CLEC1A: variants seen among roughly 807,000 people sequenced by gnomAD.
The protein encoded by CLEC1A is C-type lectin-like receptor-1.
CLEC1A carries 34 observed loss-of-function variants against 28.7 expected under a neutral mutation model. The ratio of observed to expected loss-of-function variants is 1.18; its 90% CI spans 0.90 to 1.57. The LOEUF (loss-of-function observed/expected upper bound fraction) is 1.57. Among genes scored for constraint, CLEC1A ranks in the 40% most tolerant of loss-of-function variants. The probability of loss-of-function intolerance (pLI) is 0.00; values close to 1 mark genes in which losing one functional copy is unlikely to be tolerated. For missense variants in CLEC1A, 385 were observed against 339.5 expected, an observed-to-expected ratio of 1.13 and a Z score of -1.05; for synonymous variants, 116 against 121.0, an observed-to-expected ratio of 0.96 and a Z score of 0.27.
intron 3 of CLEC1A, among the ~76,000 whole-genome samples, chr12:10,079,648 C>T (rs1022102078): frequency 1.3e-5 from 2 of 151,712 alleles, no homozygotes; most frequent in African/African-American, 4.8e-5. Flanking sequence ...GGAAAAACCC[C>T]GTCTCTACTT....
intron 2 of CLEC1A, among the ~76,000 whole-genome samples, chr12:10,087,312 A>G (rs949058646): frequency 1.3e-5 from 2 of 150,864 alleles, no homozygotes; most frequent in African/African-American, 4.9e-5. Context: ...ATGGTTTAAC[A>G]TACACAAGTC....
At chr12:10,096,296 T>A (rs892527914) in intron 1 of CLEC1A, among the ~76,000 whole-genome samples, 1 of 152,168 alleles carries the variant, frequency 6.6e-6, no homozygotes, top group Non-Finnish European at 1.5e-5. Context: ...CAGAACCTAG[T>A]CAACCTACCA....
chr12:10,094,531 A>G (rs1947752055), intron 1 of CLEC1A, among the ~76,000 whole-genome samples: 1 of 152,094 alleles, frequency 6.6e-6, no homozygotes, highest in Non-Finnish European at 1.5e-5. Flanking sequence ...ATTTCACTGG[A>G]AGCAACCTTT....
intron 1 of CLEC1A, among the ~76,000 whole-genome samples, chr12:10,090,489 T>TCCTGAGCTCAAGTGATCCTCTAACC (rs1866593950): frequency 6.6e-6 from 1 of 152,086 alleles, no homozygotes; most frequent in African/African-American, 2.4e-5. Context: ...GTTCTCTAAC[T>TCCTGAGCTCAAGTGATCCTCTAACC]CCTGAGCTCA....
intron 1 of CLEC1A, among the ~76,000 whole-genome samples, chr12:10,095,333 T>G (rs1947762991): frequency 6.9e-6 from 1 of 144,450 alleles, no homozygotes; most frequent in African/African-American, 2.4e-5. Context: ...CATATTCTTT[T>G]GATAGGATAA....
Position 10,089,193 on chromosome 12 carries a change from G to T in CLEC1A, c.145C>A (p.Pro49Thr). 6.2e-7 allele frequency: 1 copy of T among 1,614,056 alleles called. No individual in the cohort carries two copies. Among genetic ancestry groups the T allele is most frequent in the African/African-American group, 1.3e-5 (1 of 75,046 alleles). ...EHRAPSSTWR[P>T]VALTLLTLCL... ...AAAGTCAGCAGGGTCAGGGCCACTG[G>T]TCGCCACGTTGAAGAGGGAGCCCTG... Residue 49 changes from proline to threonine, a missense_variant, in exon 2 of 6, where the codon CCA (proline) becomes ACA (threonine). Coordinates refer to ENST00000315330, the MANE Select transcript of CLEC1A (RefSeq NM_016511.4).
At chr12:10,074,427 T>G (rs1267756619) in intron 4 of CLEC1A, among the ~76,000 whole-genome samples, 1 of 152,112 alleles carries the variant, frequency 6.6e-6, no homozygotes, top group African/African-American at 2.4e-5. Context: ...AATTAAAAAT[T>G]TTGAAAGCAA....
intron 1 of CLEC1A, among the ~76,000 whole-genome samples, chr12:10,095,272 A>C (rs2137375186): frequency 6.6e-6 from 1 of 152,278 alleles, no homozygotes; most frequent in South Asian, 2.1e-4. Context: ...GAAAAGAGGA[A>C]CTTGAATTTA....
At chr12:10,095,712 T>A (rs563331510) in intron 1 of CLEC1A, among the ~76,000 whole-genome samples, 1 of 152,328 alleles carries the variant, frequency 6.6e-6, no homozygotes, top group South Asian at 2.1e-4. Context: ...CTGCAGTATT[T>A]GTTATTTGTT....
intron 3 of CLEC1A, among the ~76,000 whole-genome samples, chr12:10,079,891 C>G (rs1019698286): frequency 1.3e-5 from 2 of 151,956 alleles, no homozygotes; most frequent in Non-Finnish European, 2.9e-5. Context: ...TACTATATTG[C>G]CTGGGCTGGT....
At chr12:10,071,552 A>G (rs1361573361) in intron 5 of CLEC1A, 39 bp from the exon 6 acceptor site, 1 of 1,463,210 alleles carries the variant, frequency 6.8e-7, no homozygotes, top group African/African-American at 1.4e-5. Context: ...ATCACGGTTT[A>G]TTTCTAAAAT....
In CLEC1A at chr12:10,098,937, C is replaced by A; in HGVS notation, c.-15G>T. 3 of 1,589,964 alleles carry A rather than the reference C, an allele frequency of 1.9e-6. No individual in the cohort carries two copies. The highest frequency in any genetic ancestry group is 2.6e-6 in the Non-Finnish European group (3 of 1,161,908). ...TTGGCCTGCATCTGGATTCCTACAG[C>A]GGTGAGAGTGAAATGTGGTCGGATT... On this transcript the variant is annotated 5_prime_UTR_variant, in exon 1 of 6. Coordinates refer to ENST00000315330, the MANE Select transcript of CLEC1A (RefSeq NM_016511.4).
At chr12:10,098,420 C>T (rs1024931124) in intron 1 of CLEC1A, among the ~76,000 whole-genome samples, 6 of 152,040 alleles carry the variant, frequency 3.9e-5, no homozygotes, top group East Asian at 1.9e-4. Context: ...TGTTTGTGGC[C>T]GTTAATATTT....
At chr12:10,088,913 A>G in intron 2 of CLEC1A, among the ~76,000 whole-genome samples, 1 of 150,820 alleles carries the variant, frequency 6.6e-6, no homozygotes, top group African/African-American at 2.4e-5. Flanking sequence ...CTTATCTCAA[A>G]CAGAATGTTT....
chr12:10,091,387 A>G (rs1947700823), intron 1 of CLEC1A, among the ~76,000 whole-genome samples: 1 of 149,608 alleles, frequency 6.7e-6, no homozygotes, highest in African/African-American at 2.6e-5. Context: ...TTAAGTTTAC[A>G]GGTTTTTGTT....
rs1866110246 is a variant in CLEC1A, at chr12:10,070,809, A to G, written c.*524T>C. 6 of 152,372 alleles carry G rather than the reference A, an allele frequency of 3.9e-5. No homozygotes were observed. Among genetic ancestry groups the G allele is most frequent in the Admixed American group, 3.9e-4 (6 of 15,284 alleles). The allele number at this position is 152,372 out of a possible 1,614,324, so 9.4% of individuals were successfully genotyped here. On this transcript the variant is annotated 3_prime_UTR_variant, in exon 6 of 6. Coordinates refer to ENST00000315330, the MANE Select transcript of CLEC1A (RefSeq NM_016511.4). The stretch of plus-strand genomic sequence containing the variant: ...ATCCCTGTTGGGAAACGGCATGGAC[A>G]AGGCAGATGGGGTCTTTACTGATGG...
intron 1 of CLEC1A, among the ~76,000 whole-genome samples, chr12:10,091,039 A>G (rs1277019661): frequency 6.6e-6 from 1 of 152,194 alleles, no homozygotes; most frequent in Non-Finnish European, 1.5e-5. Context: ...ACCTTGTATC[A>G]GCCCTACTTC....
chr12:10,071,661 C>T, intron 5 of CLEC1A, 148 bp from the exon 6 acceptor site: 2 of 616,724 alleles, frequency 3.2e-6, no homozygotes, highest in Non-Finnish European at 5.1e-6. Flanking sequence ...TCTTTCTCTT[C>T]AGCCCCTAAG....
chr12:10,094,498 T>C (rs1947751667), intron 1 of CLEC1A, among the ~76,000 whole-genome samples: 1 of 151,976 alleles, frequency 6.6e-6, no homozygotes, highest in Admixed American at 6.5e-5. Flanking sequence ...ATAGTAACCA[T>C]AAGTGTGTTC....
Sources: allele counts gnomAD v4.1 joint callset (sites outside exome capture counted in the v4.1 genomes callset), GRCh38; gene constraint gnomAD v4.1.1; transcripts MANE v1.5; gene names NCBI Gene and HGNC (gene_info 2026-07-23, HGNC 2026-07-21).